MACROD2: variants seen among roughly 807,000 people sequenced by gnomAD.
The protein encoded by MACROD2 is ADP-ribose glycohydrolase MACROD2.
Under a neutral mutation model 70.4 loss-of-function variants are expected in MACROD2, and 36 were observed. The ratio of observed to expected loss-of-function variants is 0.51; its 90% CI spans 0.39 to 0.68. The LOEUF (loss-of-function observed/expected upper bound fraction) is 0.68, where lower values mean the gene tolerates loss of function less well. Among genes scored for constraint, MACROD2 ranks in the 30% least tolerant of loss-of-function variants. The probability of loss-of-function intolerance (pLI) is 0.00; values close to 1 mark genes in which losing one functional copy is unlikely to be tolerated. For missense variants in MACROD2, 496 were observed against 538.4 expected (o/e 0.92, Z 0.78); for synonymous variants, 172 against 178.8 (o/e 0.96, Z 0.30).
At chr20:15,716,168 T>A (rs534745200) in intron 8 of MACROD2, among the ~76,000 whole-genome samples, 47 of 152,288 alleles carry the variant, frequency 3.1e-4, no homozygotes, top group African/African-American at 1.1e-3. Context: ...AAATAAAAAC[T>A]ATTTAAAAAT....
intron 5 of MACROD2, among the ~76,000 whole-genome samples, chr20:15,051,752 C>CTTT (rs547605196): frequency 1.5e-5 from 2 of 136,964 alleles, no homozygotes; most frequent in African/African-American, 5.5e-5. Context: ...TATACCATCT[C>CTTT]TTTTTTTTTT....
rs532609492 is a variant in MACROD2 at position 13,995,643 on chromosome 20, A to T, written c.-121A>T. On this transcript the variant is annotated 5_prime_UTR_variant, in exon 1 of 18. Transcript: ENST00000684519. This position sits in a 1 kb window ranked among gnomAD's most constrained non-coding sequence, Gnocchi z 4.3. ...GCGAGCGGCGAGCAGCGCAGGACGC[A>T]GAGCCTCTTTCACTTTTTCCCTGCT... The T allele has an allele frequency of 3.1e-4, 272 of 871,534 alleles. 1 individual carries two copies. The highest frequency in any genetic ancestry group is 1.8e-3 in the South Asian group (128 of 71,450). The allele number at this position is 871,534 out of a possible 1,614,324, so 54.0% of individuals were successfully genotyped here.
intron 3 of MACROD2, among the ~76,000 whole-genome samples, chr20:14,258,125 C>T (rs1911306309): frequency 6.6e-6 from 1 of 152,000 alleles, no homozygotes; most frequent in Admixed American, 6.6e-5. Context: ...TTTCTTTATC[C>T]ACTCATTGGT....
At chr20:14,091,692 T>C (rs1601212067) in intron 3 of MACROD2, among the ~76,000 whole-genome samples, 4 of 152,188 alleles carry the variant, frequency 2.6e-5, no homozygotes, top group Non-Finnish European at 5.9e-5. Flanking sequence ...TTGCCTTTTT[T>C]CACTAAATAT....
intron 5 of MACROD2, among the ~76,000 whole-genome samples, chr20:14,777,500 G>A (rs1449230042): frequency 6.6e-6 from 1 of 151,902 alleles, no homozygotes; most frequent in Non-Finnish European, 1.5e-5. Flanking sequence ...ATATTTTGGT[G>A]GCAGTCCTTA....
intron 2 of MACROD2, among the ~76,000 whole-genome samples, chr20:14,019,245 A>G (rs1314536713): frequency 6.6e-6 from 1 of 152,146 alleles, no homozygotes; most frequent in Non-Finnish European, 1.5e-5. Context: ...ACTATTACTC[A>G]AATTAGCCTC....
At chr20:15,254,085 G>A (rs1474870794) in intron 6 of MACROD2, among the ~76,000 whole-genome samples, 1 of 152,070 alleles carries the variant, frequency 6.6e-6, no homozygotes, top group Non-Finnish European at 1.5e-5. Flanking sequence ...CAACTTAGGG[G>A]ACACTTACTT....
chr20:15,281,874 A>G (rs895126576), intron 6 of MACROD2, among the ~76,000 whole-genome samples: 1 of 152,194 alleles, frequency 6.6e-6, no homozygotes, highest in Non-Finnish European at 1.5e-5. Flanking sequence ...CTAACAGAGG[A>G]TCTCCATGAG....
chr20:14,447,999 T>C (rs2122976369), intron 3 of MACROD2, among the ~76,000 whole-genome samples: 1 of 151,094 alleles, frequency 6.6e-6, no homozygotes, highest in South Asian at 2.1e-4. Context: ...TGTGTGTGTG[T>C]GTGTGTGTCT....
Position 15,790,604 on chromosome 20 carries a change from G to A in MACROD2, c.646-72141G>A, listed in dbSNP as rs544936524. On this transcript the variant is annotated intron_variant, in intron 8 of 17. Transcript: ENST00000684519. ...ATTTATGTAAATATTGACAAATATA[G>A]ATTAATCTCTAGATGGTAGAAAAAC... 3.2e-4 allele frequency among the ~76,000 whole-genome samples: 48 copies of A among 151,948 alleles called. No individual in the cohort carries two copies. In the South Asian group the frequency reaches 9.5e-3, roughly 30 times the overall value.
At chr20:15,471,695 AT>A (rs1051607220) in intron 7 of MACROD2, among the ~76,000 whole-genome samples, 2 of 151,796 alleles carry the variant, frequency 1.3e-5, no homozygotes, top group East Asian at 1.9e-4. Context: ...TTTCCACCAC[AT>A]TTTTTTTGTA....
chr20:15,697,021 C>T (rs971123966), intron 8 of MACROD2, among the ~76,000 whole-genome samples: 1 of 151,870 alleles, frequency 6.6e-6, no homozygotes, highest in African/African-American at 2.4e-5. Context: ...TTTTATTTAT[C>T]TTTTGTATTG....
chr20:14,086,549 G>A (rs1012667866), intron 3 of MACROD2, among the ~76,000 whole-genome samples: 2 of 152,196 alleles, frequency 1.3e-5, no homozygotes, highest in Non-Finnish European at 2.9e-5. Flanking sequence ...GCAGAATATT[G>A]TGTTATCGGG....
chr20:14,422,639 G>T (rs1029300851), intron 3 of MACROD2, among the ~76,000 whole-genome samples: 4 of 151,886 alleles, frequency 2.6e-5, no homozygotes, highest in African/African-American at 7.3e-5. Flanking sequence ...AATGTAATTT[G>T]CATGGATACT....
intron 3 of MACROD2, among the ~76,000 whole-genome samples, chr20:14,163,523 T>C (rs1264742111): frequency 6.6e-6 from 1 of 152,098 alleles, no homozygotes; most frequent in African/African-American, 2.4e-5. Flanking sequence ...TTTTATCTAT[T>C]ATTTCACTAA....
intron 3 of MACROD2, among the ~76,000 whole-genome samples, chr20:14,372,612 A>T (rs1382277149): frequency 6.6e-6 from 1 of 152,040 alleles, no homozygotes; most frequent in Non-Finnish European, 1.5e-5. Flanking sequence ...TGCTTTTCTG[A>T]TTCAATTCCT....
At chr20:15,296,296 G>T (rs2077587968) in intron 6 of MACROD2, among the ~76,000 whole-genome samples, 1 of 152,180 alleles carries the variant, frequency 6.6e-6, no homozygotes. Flanking sequence ...AATTAGAAGA[G>T]AGGGGGATAG....
intron 5 of MACROD2, among the ~76,000 whole-genome samples, chr20:14,915,437 G>C (rs956098940): frequency 6.6e-6 from 1 of 152,172 alleles, no homozygotes; most frequent in Non-Finnish European, 1.5e-5. Flanking sequence ...CAAAACCTTC[G>C]AGAAGCATTA....
intron 3 of MACROD2, among the ~76,000 whole-genome samples, chr20:14,303,501 T>C (rs1257265553): frequency 6.6e-6 from 1 of 152,308 alleles, no homozygotes; most frequent in Non-Finnish European, 1.5e-5. Context: ...ACAGCTCATC[T>C]CTGCTTTATT....
Sources: gnomAD v4.1 joint callset for allele counts (sites outside exome capture counted in the v4.1 genomes callset) on GRCh38, gnomAD v4.1.1 for gene constraint, Gnocchi (gnomAD v3.1) non-coding constraint, MANE v1.5 for transcripts, NCBI Gene and HGNC (gene_info 2026-07-23, HGNC 2026-07-21) for gene names.